DPP10: variants seen among roughly 807,000 people sequenced by gnomAD.
DPP10 encodes dipeptidyl peptidase like 10, also known as inactive dipeptidyl peptidase 10.
A neutral mutation model predicts 120.9 loss-of-function variants in DPP10; 33 were observed. The observed-to-expected ratio is 0.27, with a 90% CI of 0.21 to 0.37. DPP10 has a LOEUF of 0.37. Ranked by LOEUF, DPP10 falls within the 10% of genes least tolerant of loss-of-function variation. The pLI, the probability that DPP10 is intolerant of heterozygous loss-of-function variation, is 1.00. For missense variants in DPP10, 816 were observed against 942.8 expected (o/e 0.87, Z 1.76); for synonymous variants, 337 against 326.1 (o/e 1.03, Z -0.36).
At chr2:114,895,434 A>G (rs543721797) in intron 1 of DPP10, among the ~76,000 whole-genome samples, 2 of 152,174 alleles carry the variant, frequency 1.3e-5, no homozygotes, top group African/African-American at 2.4e-5. Context: ...AGTGTTGTCC[A>G]TTGGAACATG....
At chr2:115,274,213 A>G (rs764812210) in intron 1 of DPP10, among the ~76,000 whole-genome samples, 12 of 152,316 alleles carry the variant, frequency 7.9e-5, no homozygotes, top group Middle Eastern at 3.4e-3. Flanking sequence ...TGATAGAACT[A>G]TACTTGAGAA....
At chr2:115,729,898 A>G (rs1215867831) in intron 8 of DPP10, among the ~76,000 whole-genome samples, 1 of 152,216 alleles carries the variant, frequency 6.6e-6, no homozygotes, top group East Asian at 1.9e-4. Context: ...AAATCTAAGC[A>G]GATGTAACAA....
At chr2:114,980,377 A>T (rs1450959789) in intron 1 of DPP10, among the ~76,000 whole-genome samples, 1 of 152,094 alleles carries the variant, frequency 6.6e-6, no homozygotes, top group Non-Finnish European at 1.5e-5. Context: ...ATAATAATAT[A>T]GTCACAAATC....
rs144326991 is a variant in DPP10, at chr2:115,075,272, A to G, written c.61-233967A>G. The stretch of plus-strand genomic sequence containing the variant: ...TTAGAAGTTGTTTAGAAGTAAAAGC[A>G]AAGCTGCTCTTCAATAAATGTCTCT... On this transcript the variant is annotated intron_variant, in intron 1 of 25. Coordinates refer to ENST00000410059, the MANE Select transcript of DPP10 (RefSeq NM_020868.6). 2.9e-3 allele frequency among the ~76,000 whole-genome samples: 435 copies of G among 152,374 alleles called. 3 individuals carry two copies. The highest frequency in any genetic ancestry group is 9.9e-3 in the African/African-American group (411 of 41,596).
intron 3 of DPP10, among the ~76,000 whole-genome samples, chr2:115,479,789 G>T (rs1162217047): frequency 6.6e-6 from 1 of 152,104 alleles, no homozygotes; most frequent in Non-Finnish European, 1.5e-5. Context: ...GAAGTTGGGT[G>T]TGCACCAGTC....
intron 1 of DPP10, among the ~76,000 whole-genome samples, chr2:115,003,299 G>C (rs760649027): frequency 6.6e-6 from 1 of 151,972 alleles, no homozygotes; most frequent in Admixed American, 6.6e-5. Flanking sequence ...CTCACTTATG[G>C]GAACTAATAA....
At chr2:114,464,296 G>A (rs888553801) in intron 1 of DPP10, among the ~76,000 whole-genome samples, 1 of 152,224 alleles carries the variant, frequency 6.6e-6, no homozygotes, top group African/African-American at 2.4e-5. Context: ...CATTCTAATA[G>A]GCACGTAATG....
At chr2:115,178,484 C>G (rs1364157530) in intron 1 of DPP10, among the ~76,000 whole-genome samples, 1 of 152,162 alleles carries the variant, frequency 6.6e-6, no homozygotes, top group Non-Finnish European at 1.5e-5. Context: ...CTATGAATAC[C>G]ACTACTGTCA....
At chr2:115,571,478 T>TAGTA (rs2149090972) in intron 5 of DPP10, among the ~76,000 whole-genome samples, 2 of 152,228 alleles carry the variant, frequency 1.3e-5, no homozygotes, top group South Asian at 4.1e-4. Context: ...TGAGAACATG[T>TAGTA]AGTATTTGGT....
At chr2:115,397,358 T>C (rs369961613) in intron 3 of DPP10, among the ~76,000 whole-genome samples, 1 of 152,224 alleles carries the variant, frequency 6.6e-6, no homozygotes, top group African/African-American at 2.4e-5. Context: ...AACTAGACTT[T>C]AGTTGAACCA....
At chr2:114,979,317 A>G (rs929951219) in intron 1 of DPP10, among the ~76,000 whole-genome samples, 1 of 152,042 alleles carries the variant, frequency 6.6e-6, no homozygotes, top group African/African-American at 2.4e-5. Context: ...CTAAAATCTT[A>G]AAATTTTTAA....
chr2:115,325,927 T>G (rs1157187478), intron 2 of DPP10, among the ~76,000 whole-genome samples: 1 of 152,058 alleles, frequency 6.6e-6, no homozygotes, highest in Non-Finnish European at 1.5e-5. Flanking sequence ...TTAATAGCTA[T>G]TTCAGATCAT....
intron 5 of DPP10, among the ~76,000 whole-genome samples, chr2:115,626,455 A>G (rs1439961645): frequency 6.6e-6 from 1 of 152,144 alleles, no homozygotes; most frequent in African/African-American, 2.4e-5. Flanking sequence ...TGACTTTTCT[A>G]TATTTCAATA....
At chr2:115,523,144 G>A (rs538413883) in intron 4 of DPP10, among the ~76,000 whole-genome samples, 5 of 152,098 alleles carry the variant, frequency 3.3e-5, no homozygotes, top group South Asian at 2.1e-4. Context: ...CTTGGGCCCC[G>A]GAAAAGATAT....
intron 5 of DPP10, among the ~76,000 whole-genome samples, chr2:115,570,716 T>C (rs1447303290): frequency 6.6e-6 from 1 of 152,190 alleles, no homozygotes; most frequent in African/African-American, 2.4e-5. Flanking sequence ...TAAAAGAACA[T>C]ACGTAGGAAT....
At chr2:114,518,069 A>ATT (rs751351962) in intron 1 of DPP10, among the ~76,000 whole-genome samples, 619 of 54,140 alleles carry the variant, frequency 0.011, 51 homozygotes, top group African/African-American at 0.04. Flanking sequence ...TGAGCTATTC[A>ATT]TTTTTTTTTT....
intron 1 of DPP10, among the ~76,000 whole-genome samples, chr2:114,878,684 T>A (rs1195130083): frequency 6.6e-6 from 1 of 152,090 alleles, no homozygotes; most frequent in Non-Finnish European, 1.5e-5. Context: ...ACATGAGCTA[T>A]CCATCCTTAT....
chr2:115,740,671 C>G (rs963917893), intron 9 of DPP10, among the ~76,000 whole-genome samples: 1 of 152,056 alleles, frequency 6.6e-6, no homozygotes, highest in East Asian at 1.9e-4. Flanking sequence ...TTGGGCAAGG[C>G]CTCTATAAGA....
intron 1 of DPP10, among the ~76,000 whole-genome samples, chr2:114,804,069 C>T (rs1684508463): frequency 6.6e-6 from 1 of 152,204 alleles, no homozygotes; most frequent in African/African-American, 2.4e-5. Context: ...GTCCCACCTG[C>T]TCCAGCCATT....
Sources: gnomAD v4.1 joint callset for allele counts (sites outside exome capture counted in the v4.1 genomes callset) on GRCh38, gnomAD v4.1.1 for gene constraint, MANE v1.5 for transcripts, NCBI Gene and HGNC (gene_info 2026-07-23, HGNC 2026-07-21) for gene names.